SPTB: variants seen among roughly 807,000 people sequenced by gnomAD.
SPTB encodes spectrin beta chain, erythrocytic.
A neutral mutation model predicts 256.2 loss-of-function variants in SPTB; 45 were observed. The observed-to-expected ratio is 0.18, with a 90% CI of 0.14 to 0.23. The LOEUF (loss-of-function observed/expected upper bound fraction) is 0.23. Ranked by LOEUF, SPTB falls within the 10% of genes least tolerant of loss-of-function variation. The pLI is 1.00. For synonymous variants in SPTB, 1,231 were observed against 1,243.1 expected (o/e 0.99, Z 0.21); for missense variants, 2,715 against 3,040.4 (o/e 0.89, Z 2.52).
In SPTB at chr14:64,876,597, T is replaced by G. The variant is rs894446898; in HGVS notation, c.-52+3195A>C. ...CCCCCCAAAAATGGACATAATTACT[T>G]AAGATTTCTTGTCTCTAGATCGTAA... On this transcript the variant is annotated intron_variant, in intron 1 of 35. Coordinates refer to ENST00000644917, the MANE Select transcript of SPTB (RefSeq NM_001355436.2). Among the ~76,000 whole-genome samples, 4 of 152,294 alleles carry G rather than the reference T, an allele frequency of 2.6e-5. No individual in the cohort carries two copies. The South Asian group carries it at 8.3e-4, about 32-fold the overall frequency.
intron 2 of SPTB, among the ~76,000 whole-genome samples, chr14:64,808,077 A>G (rs1043023269): frequency 5.9e-5 from 9 of 152,182 alleles, no homozygotes; most frequent in Non-Finnish European, 5.9e-5. Flanking sequence ...CAGCGGCGCA[A>G]TCTTGGCTCA....
Position 64,779,646 on chromosome 14 carries a change from C to T in SPTB, c.4473+79G>A. The T allele has an allele frequency of 1.9e-6, 3 of 1,553,488 alleles. No homozygotes were observed. The highest frequency in any genetic ancestry group is 2.7e-6 in the Non-Finnish European group (3 of 1,126,944). On this transcript the variant is annotated intron_variant, in intron 21 of 35. Coordinates refer to ENST00000644917, the MANE Select transcript of SPTB (RefSeq NM_001355436.2). This position sits in a 1 kb window ranked among gnomAD's most constrained non-coding sequence, Gnocchi z 4.2. ...ACCAGTCATCTACTGCCAAAAATTG[C>T]TCTGGGTGGCAGCCAGCTACTCTGA... is the stretch of plus-strand genomic sequence containing the variant.
In SPTB at chr14:64,782,479, C is replaced by A; in HGVS notation, c.4077G>T (p.Arg1359=). Residue 1359 remains arginine (R), a synonymous_variant, in exon 20 of 36, where the codon CGG becomes CGT. Coordinates refer to ENST00000644917, the MANE Select transcript of SPTB (RefSeq NM_001355436.2). The part of the protein sequence containing the change: ...LVSQKLEALH[R]LWDELQATTK... The stretch of plus-strand genomic sequence containing the variant: ...TGGTGGCCTGCAGCTCGTCCCAGAG[C>A]CGGTGCAGGGCTTCCAGCTTTTGGG... 6.2e-7 allele frequency: 1 copy of A among 1,614,130 alleles called. No homozygotes were observed. Among genetic ancestry groups the A allele is most frequent in the Non-Finnish European group, 8.5e-7 (1 of 1,180,052 alleles).
intron 2 of SPTB, among the ~76,000 whole-genome samples, chr14:64,811,424 T>A (rs1221504406): frequency 6.6e-6 from 1 of 152,208 alleles, no homozygotes; most frequent in Non-Finnish European, 1.5e-5. Context: ...AAACTAATCA[T>A]AAAGACATTT....
intron 2 of SPTB, among the ~76,000 whole-genome samples, chr14:64,810,377 C>G (rs142177152): frequency 1.3e-5 from 2 of 152,250 alleles, no homozygotes; most frequent in Non-Finnish European, 2.9e-5. Flanking sequence ...AAAAATGAAA[C>G]TATAAAAATA....
rs1882634440 is a variant in SPTB at position 64,873,094 on chromosome 14, A to T, written c.-52+6698T>A. ...TTCATTTGAGTCTCAGCCCAAATGAAGCCCCATCAGATAGTGTTTTCCCAA... is the reference window on the plus strand; with the variant it reads ...TTCATTTGAGTCTCAGCCCAAATGATGCCCCATCAGATAGTGTTTTCCCAA... On this transcript the variant is annotated intron_variant, in intron 1 of 35. Coordinates refer to ENST00000644917, the MANE Select transcript of SPTB (RefSeq NM_001355436.2). This position sits in a 1 kb window ranked among gnomAD's most constrained non-coding sequence, Gnocchi z 4.3. 6.6e-6 allele frequency among the ~76,000 whole-genome samples: 1 copy of T among 152,198 alleles called. No individual in the cohort carries two copies. Among genetic ancestry groups the T allele is most frequent in the South Asian group, 2.1e-4 (1 of 4,834 alleles).
Position 64,772,549 on chromosome 14 carries a change from T to C in SPTB, c.5553+31A>G. ...GACACCCAGGGCTCCTGGAAATTGG[T>C]AGCAGGTGGGCGGCAGGGGGCTGAA... is the stretch of plus-strand genomic sequence containing the variant. On this transcript the variant is annotated intron_variant, in intron 26 of 35. Coordinates refer to ENST00000644917, the MANE Select transcript of SPTB (RefSeq NM_001355436.2). This position sits in a 1 kb window ranked among gnomAD's most constrained non-coding sequence, Gnocchi z 5.4. 1 of 1,599,488 alleles carries C rather than the reference T, an allele frequency of 6.3e-7. No individual in the cohort carries two copies. The highest frequency in any genetic ancestry group is 8.5e-7 in the Non-Finnish European group (1 of 1,179,506).
Position 64,775,369 on chromosome 14 carries a change from C to G in SPTB, c.4598G>C (p.Arg1533Pro). The stretch of plus-strand genomic sequence containing the variant: ...CCCTCTCTGCAGCACATCCTCAACC[C>G]GCGGCGTATGGCCCAGAATCTCATT... ...LQNEILGHTPRVEDVLQRGQQ... is the reference protein window; with the variant it reads ...LQNEILGHTPPVEDVLQRGQQ... Residue 1533 changes from arginine (R) to proline (P), a missense_variant, in exon 23 of 36, where the codon CGG becomes CCG. Physicochemically the swap from Arg to Pro is moderately radical, Grantham distance 103 (BLOSUM62 -2). Around this residue, in one of 4 missense-constraint regions of SPTB, gnomAD observed 2,239 missense variants for 2,384.4 expected, o/e 0.94. Coordinates refer to ENST00000644917, the MANE Select transcript of SPTB (RefSeq NM_001355436.2). This position sits in a 1 kb window ranked among gnomAD's most constrained non-coding sequence, Gnocchi z 5.0. 2 of 1,613,176 alleles carry G rather than the reference C, an allele frequency of 1.2e-6. No homozygotes were observed. The highest frequency in any genetic ancestry group is 1.1e-5 in the South Asian group (1 of 91,036).
rs953579001 is a variant in SPTB, at chr14:64,853,176, C to T, written c.-52+26616G>A. Among the ~76,000 whole-genome samples the T allele has an allele frequency of 6.6e-6, 1 of 152,164 alleles. No homozygotes were observed. The highest frequency in any genetic ancestry group is 2.4e-5 in the African/African-American group (1 of 41,424). ...CCCATGGGATATCTGGGTGGAAATG[C>T]TTAACCTGAGGCTGGGTACCCAAGT... On this transcript the variant is annotated intron_variant, in intron 1 of 35. Coordinates refer to ENST00000644917, the MANE Select transcript of SPTB (RefSeq NM_001355436.2). This position sits in a 1 kb window ranked among gnomAD's most constrained non-coding sequence, Gnocchi z 4.3.
At position 64,798,261 on chromosome 14, in the gene SPTB, G is replaced by T. The variant is rs186014740; in HGVS notation, c.1065-415C>A. 3.2e-4 allele frequency among the ~76,000 whole-genome samples: 49 copies of T among 152,312 alleles called. 1 individual carries two copies. The highest frequency in any genetic ancestry group is 2.9e-3 in the South Asian group (14 of 4,828). ...CTCTGGTCAGTTCCTTATTAAGTGA[G>T]TCAATAAAACCCCAGAAGCAGCATA... On this transcript the variant is annotated intron_variant, in intron 9 of 35. Transcript: ENST00000644917.
At chr14:64,751,927 C>CAAAAAAAA (rs374561563) in intron 33 of SPTB, among the ~76,000 whole-genome samples, 12 of 71,934 alleles carry the variant, frequency 1.7e-4, no homozygotes, top group Admixed American at 9.1e-4. Context: ...ACTAAAAATG[C>CAAAAAAAA]AAAAAAAAAA....
At chr14:64,768,350 A>AT (rs1286645400) in intron 29 of SPTB, 1 of 203,598 alleles carries the variant, frequency 4.9e-6, no homozygotes, top group Non-Finnish European at 1.0e-5. Context: ...CAATAGTTAT[A>AT]TTTTTTAAGC....
intron 2 of SPTB, among the ~76,000 whole-genome samples, chr14:64,813,570 G>A (rs747106188): frequency 5.9e-5 from 9 of 152,284 alleles, no homozygotes; most frequent in Middle Eastern, 3.4e-3. Flanking sequence ...CGCCCAGACC[G>A]GAGTGCAGTG....
Position 64,853,636 on chromosome 14 carries a change from G to A in SPTB, c.-52+26156C>T, listed in dbSNP as rs2083821026. Among the ~76,000 whole-genome samples, 1 of 152,152 alleles carries A rather than the reference G, an allele frequency of 6.6e-6. No individual in the cohort carries two copies. Among genetic ancestry groups the A allele is most frequent in the Non-Finnish European group, 1.5e-5 (1 of 68,030 alleles). On this transcript the variant is annotated intron_variant, in intron 1 of 35. Coordinates refer to ENST00000644917, the MANE Select transcript of SPTB (RefSeq NM_001355436.2). The surrounding 1 kb of genome is among the most constrained non-coding windows in gnomAD (Gnocchi z 4.3). ...AAATGTTTGATGGGAGAGGGTATGG[G>A]GCTTTGAGGGGGAGCAGACAGGCAT...
At chr14:64,833,904 T>C (rs771492759) in intron 1 of SPTB, among the ~76,000 whole-genome samples, 3 of 152,156 alleles carry the variant, frequency 2.0e-5, no homozygotes, top group Non-Finnish European at 4.4e-5. Flanking sequence ...TGGAGGCCCA[T>C]TTGGAGGTCA....
intron 2 of SPTB, among the ~76,000 whole-genome samples, chr14:64,814,253 A>G (rs978810153): frequency 6.6e-6 from 1 of 152,224 alleles, no homozygotes; most frequent in African/African-American, 2.4e-5. Flanking sequence ...TATAGCCATT[A>G]AAATAATTTG....
intron 1 of SPTB, among the ~76,000 whole-genome samples, chr14:64,842,816 T>C (rs1016641318): frequency 2.0e-5 from 3 of 152,100 alleles, no homozygotes; most frequent in African/African-American, 7.2e-5. Flanking sequence ...ATGCAGTGGC[T>C]CCCAACACTT....
chr14:64,749,469 T>A lies in SPTB; in HGVS notation c.6824A>T (p.Glu2275Val). Residue 2275 changes from glutamate to valine, a missense_variant, in exon 36 of 36, where the codon GAG becomes GTG. Transcript: ENST00000644917. The surrounding 1 kb of genome is among the most constrained non-coding windows in gnomAD (Gnocchi z 4.7). ...CACGCCCTGCAGCCAGGACAGCATCTCCTCCTGCGGGGCGGAGGGTCACGG... is the reference window on the plus strand; with the variant it reads ...CACGCCCTGCAGCCAGGACAGCATCACCTCCTGCGGGGCGGAGGGTCACGG... ...EWLFHGKDEE[E>V]MLSWLQGVST... is the part of the protein sequence containing the mutation. The A allele has an allele frequency of 5.0e-6, 8 of 1,600,314 alleles. No homozygotes were observed. Among genetic ancestry groups the A allele is most frequent in the Non-Finnish European group, 6.8e-6 (8 of 1,178,146 alleles).
intron 2 of SPTB, among the ~76,000 whole-genome samples, chr14:64,814,372 C>T (rs529485639): frequency 2.0e-5 from 3 of 152,218 alleles, no homozygotes; most frequent in Non-Finnish European, 4.4e-5. Flanking sequence ...TACAGTCATA[C>T]ATCTATAGAC....
Sources: gnomAD v4.1 joint callset for allele counts (sites outside exome capture counted in the v4.1 genomes callset) on GRCh38, gnomAD v4.1.1 for gene constraint, gnomAD v4.1.1 regional missense constraint, Gnocchi (gnomAD v3.1) non-coding constraint, MANE v1.5 for transcripts, NCBI Gene and HGNC (gene_info 2026-07-23, HGNC 2026-07-21) for gene names.